The following TRAPPC10 variants were observed in gnomAD, a reference collection of about 807,000 sequenced individuals.
The protein encoded by TRAPPC10 is trafficking protein particle complex subunit 10.
In TRAPPC10, 23 loss-of-function variants were observed where a neutral mutation model predicts 125.5. The observed-to-expected ratio is 0.18, with a 90% CI of 0.13 to 0.26. The LOEUF (loss-of-function observed/expected upper bound fraction) is 0.26, where lower values mean the gene tolerates loss of function less well. Among genes scored for constraint, TRAPPC10 ranks in the 10% least tolerant of loss-of-function variants. The pLI is 1.00. For missense variants in TRAPPC10, 1,123 were observed against 1,308.4 expected, an observed-to-expected ratio of 0.86 and a Z score of 2.19; for synonymous variants, 509 against 518.0, an observed-to-expected ratio of 0.98 and a Z score of 0.24.
chr21:44,076,502 G>T, intron 9 of TRAPPC10, 50 bp from the exon 10 acceptor site: 2 of 1,433,934 alleles, frequency 1.4e-6, no homozygotes, highest in South Asian at 2.3e-5. Context: ...AAAGTCATGT[G>T]ACTGGACATG....
chr21:44,037,685 G>A, intron 2 of TRAPPC10, 107 bp from the exon 3 acceptor site: 3 of 1,271,422 alleles, frequency 2.4e-6, no homozygotes, highest in South Asian at 1.4e-5. Flanking sequence ...GTTAATATAT[G>A]TGCTCTGAAC....
chr21:44,038,820 C>T (rs2034188009), intron 3 of TRAPPC10, among the ~76,000 whole-genome samples: 1 of 152,178 alleles, frequency 6.6e-6, no homozygotes, highest in South Asian at 2.1e-4. Context: ...CCTCAGATTT[C>T]ACCTCATGCA....
chr21:44,094,515 T>C (rs1226976393), intron 20 of TRAPPC10, among the ~76,000 whole-genome samples: 1 of 152,218 alleles, frequency 6.6e-6, no homozygotes, highest in Non-Finnish European at 1.5e-5. Context: ...TTCTATCTTT[T>C]TCCCTTTCTC....
chr21:44,039,105 G>A (rs185115158), intron 3 of TRAPPC10, among the ~76,000 whole-genome samples: 1 of 152,224 alleles, frequency 6.6e-6, no homozygotes, highest in Non-Finnish European at 1.5e-5. Flanking sequence ...CTGGCGTGGG[G>A]CTGTTGTCCC....
chr21:44,028,559 C>T (rs1446808457), intron 1 of TRAPPC10, among the ~76,000 whole-genome samples: 1 of 152,202 alleles, frequency 6.6e-6, no homozygotes, highest in African/African-American at 2.4e-5. Context: ...CCTCTTATCT[C>T]CCTGTCTCCC....
rs1230320455 is a variant in TRAPPC10, at chr21:44,060,911, T to TACACACACAC, written c.790+1700_790+1701insCACACACACA. 1.1e-3 allele frequency among the ~76,000 whole-genome samples: 113 copies of TACACACACAC among 106,450 alleles called. 2 individuals are homozygous for TACACACACAC. Among genetic ancestry groups the TACACACACAC allele is most frequent in the African/African-American group, 5.5e-3 (104 of 19,026 alleles). The allele number at this position is 106,450 out of a possible 152,430, so 69.8% of individuals were successfully genotyped here. A position where few individuals can be genotyped will look rare whatever the true frequency, so the allele number is the denominator to read the frequency against. Reference sequence around the variant, plus strand: ...CCACCATGCCCAGCCTATACATACATACATACACACACACACACACACACA... The same window carrying TACACACACAC: ...CCACCATGCCCAGCCTATACATACATACACACACACACATACACACACACACACACACACA... On this transcript the variant is annotated intron_variant, in intron 6 of 22. Transcript: ENST00000291574.
intron 10 of TRAPPC10, 119 bp from the exon 11 acceptor site, chr21:44,077,574 G>A: frequency 1.4e-6 from 1 of 718,986 alleles, no homozygotes; most frequent in South Asian, 2.1e-5. Context: ...GATGGAGCAA[G>A]ACTCTGTCTC....
chr21:44,052,538 T>G, intron 4 of TRAPPC10, 62 bp downstream of exon 4: 1 of 1,458,198 alleles, frequency 6.9e-7, no homozygotes, highest in Admixed American at 2.1e-5. Context: ...GATTGCTGGC[T>G]TCCTGGGTAG....
intron 19 of TRAPPC10, among the ~76,000 whole-genome samples, chr21:44,093,307 TAGTC>T (rs2038709427): frequency 2.0e-5 from 3 of 149,858 alleles, no homozygotes; most frequent in Admixed American, 2.0e-4. Context: ...ATACAAAAAT[TAGTC>T]AGGCATGGTG....
intron 3 of TRAPPC10, among the ~76,000 whole-genome samples, chr21:44,041,798 C>G (rs1256908126): frequency 2.0e-5 from 3 of 152,154 alleles, no homozygotes; most frequent in African/African-American, 7.2e-5. Context: ...GCATTCTCGA[C>G]TCACTGCAAC....
Position 44,038,032 on chromosome 21 carries a change from A to G in TRAPPC10, c.285+105A>G, listed in dbSNP as rs530753941. 209 of 1,353,748 alleles carry G rather than the reference A, an allele frequency of 1.5e-4. 1 individual carries two copies. The African/African-American group carries it at 3.2e-3, about 20-fold the overall frequency. The allele number at this position is 1,353,748 out of a possible 1,614,324, so 83.9% of individuals were successfully genotyped here. A position where few individuals can be genotyped will look rare whatever the true frequency, so the allele number is the denominator to read the frequency against. On this transcript the variant is annotated intron_variant, in intron 3 of 22. Coordinates refer to ENST00000291574, the MANE Select transcript of TRAPPC10 (RefSeq NM_003274.5). ...GGGAAGAGGACGCGTGGTGGGGTGG[A>G]GTTGGAGATGCGTGGAGAGTGCTGT...
chr21:44,068,971 A>G (rs1263580644), intron 7 of TRAPPC10, among the ~76,000 whole-genome samples: 2 of 152,232 alleles, frequency 1.3e-5, no homozygotes, highest in Non-Finnish European at 1.5e-5. Context: ...CTGGATATCC[A>G]TATATAAAAA....
chr21:44,071,893 T>TA, intron 7 of TRAPPC10, among the ~76,000 whole-genome samples: 1 of 152,256 alleles, frequency 6.6e-6, no homozygotes, highest in East Asian at 1.9e-4. Context: ...AGGTTTCTGT[T>TA]ATTCAGTGAA....
intron 3 of TRAPPC10, among the ~76,000 whole-genome samples, chr21:44,041,560 C>T (rs1230389187): frequency 2.6e-5 from 4 of 151,226 alleles, no homozygotes; most frequent in Non-Finnish European, 5.9e-5. Context: ...AGTTTGGAGA[C>T]GGGGTTTCTC....
chr21:44,017,726 T>A (rs1416689978), intron 1 of TRAPPC10, among the ~76,000 whole-genome samples: 1 of 152,050 alleles, frequency 6.6e-6, no homozygotes, highest in Non-Finnish European at 1.5e-5. Flanking sequence ...TGGACGCTGC[T>A]TCTCCCTTTG....
intron 3 of TRAPPC10, among the ~76,000 whole-genome samples, chr21:44,041,604 T>G (rs1362621813): frequency 6.6e-6 from 1 of 152,212 alleles, no homozygotes; most frequent in Admixed American, 6.5e-5. Flanking sequence ...ACTCCCGACC[T>G]CAGGTGATCT....
intron 14 of TRAPPC10, 73 bp from the exon 15 acceptor site, chr21:44,084,049 C>A: frequency 6.3e-7 from 1 of 1,576,580 alleles, no homozygotes; most frequent in Non-Finnish European, 8.6e-7. Flanking sequence ...GAGACCGCTG[C>A]ACCGCGCTAC....
At position 44,054,451 on chromosome 21, in the gene TRAPPC10, A is replaced by G. The variant is rs377640297; in HGVS notation, c.483-1247A>G. Among the ~76,000 whole-genome samples, 9 of 152,338 alleles carry G rather than the reference A, an allele frequency of 5.9e-5. 1 individual carries two copies. In the South Asian group the frequency reaches 1.2e-3, roughly 21 times the overall value. On this transcript the variant is annotated intron_variant, in intron 4 of 22. Coordinates refer to ENST00000291574, the MANE Select transcript of TRAPPC10 (RefSeq NM_003274.5). The stretch of plus-strand genomic sequence containing the variant: ...GAACTTAGAGTCAGTTCATTTTGCT[A>G]CTTTTTGGTAATTCAAGTAAAATAT...
At chr21:44,060,962 G>A (rs1004750831) in intron 6 of TRAPPC10, among the ~76,000 whole-genome samples, 8 of 135,646 alleles carry the variant, frequency 5.9e-5, no homozygotes, top group African/African-American at 1.8e-4. Flanking sequence ...TTTTTGAGAC[G>A]GAGTCTTGCT....
Sources: allele counts gnomAD v4.1 joint callset (sites outside exome capture counted in the v4.1 genomes callset), GRCh38; gene constraint gnomAD v4.1.1; transcripts MANE v1.5; gene names NCBI Gene and HGNC (gene_info 2026-07-23, HGNC 2026-07-21).